Variants in ZNF43 observed in about 807,000 individuals in gnomAD.
ZNF43 encodes zinc finger protein 43.
ZNF43 carries 44 observed loss-of-function variants against 68.4 expected under a neutral mutation model. The observed-to-expected ratio is 0.64, with a 90% CI of 0.51 to 0.83. ZNF43 has a LOEUF of 0.83. ZNF43 is among the 40% of genes least tolerant of loss of function. The pLI is 0.00. For synonymous variants in ZNF43, 308 were observed against 307.8 expected (o/e 1.00, Z -0.01); for missense variants, 896 against 933.2 (o/e 0.96, Z 0.52).
intron 1 of ZNF43, among the ~76,000 whole-genome samples, chr19:21,824,732 T>TAAAAAA (rs34739856): frequency 8.4e-5 from 9 of 107,232 alleles, no homozygotes; most frequent in Non-Finnish European, 1.4e-4. Context: ...TATGTTTACC[T>TAAAAAA]AAAAAAAAAA....
rs2036912163 is a variant in ZNF43 at position 21,805,800 on chromosome 19, T to C, written c.*1807A>G. The C allele has an allele frequency of 6.6e-6, 1 of 152,206 alleles. No individual in the cohort carries two copies. The highest frequency in any genetic ancestry group is 2.4e-5 in the African/African-American group (1 of 41,516). The allele number at this position is 152,206 out of a possible 1,614,324, so 9.4% of individuals were successfully genotyped here. A position where few individuals can be genotyped will look rare whatever the true frequency, so the allele number is the denominator to read the frequency against. On this transcript the variant is annotated 3_prime_UTR_variant, in exon 4 of 4. Transcript: ENST00000354959. ...TTGCAGTTGAAAGCCACTGGTGAAA[T>C]AGATTAATAGAAATGTTAGTCCATT...
upstream of ZNF43, chr19:21,836,257 C>T: frequency 1.5e-6 from 2 of 1,378,438 alleles, no homozygotes; most frequent in African/African-American, 1.5e-5. Flanking sequence ...TCCAGCCCAG[C>T]GTCCCTGATT....
At chr19:21,843,328 T>C in intron 1 of ZNF43, 1 of 983,134 alleles carries the variant, frequency 1.0e-6, no homozygotes, top group Non-Finnish European at 1.2e-6. Context: ...CAATCACACC[T>C]GCAGAAAGAC....
At chr19:21,838,422 T>C (rs1568385035), upstream of ZNF43, among the ~76,000 whole-genome samples, 1 of 149,888 alleles carries the variant, frequency 6.7e-6, no homozygotes, top group African/African-American at 2.5e-5. Flanking sequence ...TTTTTGGAGA[T>C]ACAGTCTCGC....
chr19:21,844,464 A>C (rs779558727), intron 1 of ZNF43, among the ~76,000 whole-genome samples: 2 of 151,270 alleles, frequency 1.3e-5, no homozygotes, highest in Non-Finnish European at 2.9e-5. Context: ...GAGAGTGGTA[A>C]TTCTCCATGA....
At chr19:21,830,063 C>CAA (rs940716105) in intron 1 of ZNF43, among the ~76,000 whole-genome samples, 23 of 151,858 alleles carry the variant, frequency 1.5e-4, no homozygotes, top group African/African-American at 5.1e-4. Flanking sequence ...ACCAGCCTGG[C>CAA]AAAATAGTGA....
intron 3 of ZNF43, among the ~76,000 whole-genome samples, chr19:21,810,339 G>A (rs991463818): frequency 1.3e-5 from 2 of 152,170 alleles, no homozygotes; most frequent in Admixed American, 6.6e-5. Flanking sequence ...TGAGGTGAAG[G>A]AGCCAGGTTC....
At chr19:21,816,178 G>A (rs758355043) in intron 3 of ZNF43, among the ~76,000 whole-genome samples, 4 of 152,106 alleles carry the variant, frequency 2.6e-5, no homozygotes, top group Non-Finnish European at 5.9e-5. Flanking sequence ...GAGCAAGAAC[G>A]TTTCTCAGCC....
chr19:21,830,947 C>T (rs2038396655), intron 1 of ZNF43, among the ~76,000 whole-genome samples: 1 of 152,136 alleles, frequency 6.6e-6, no homozygotes, highest in Non-Finnish European at 1.5e-5. Context: ...GTTATTTCAA[C>T]ATACACAAAT....
At chr19:21,819,603 T>G (rs1313875020) in intron 1 of ZNF43, among the ~76,000 whole-genome samples, 1 of 152,134 alleles carries the variant, frequency 6.6e-6, no homozygotes, top group Non-Finnish European at 1.5e-5. Context: ...AATATTAAGG[T>G]GTACAATAAA....
At chr19:21,836,672 C>A (rs2038755914), upstream of ZNF43, among the ~76,000 whole-genome samples, 1 of 152,224 alleles carries the variant, frequency 6.6e-6, no homozygotes, top group Admixed American at 6.5e-5. Context: ...GCAGCCTCAG[C>A]AATCTAGGCT....
chr19:21,840,512 T>G (rs1178391210), upstream of ZNF43: 1 of 152,186 alleles, frequency 6.6e-6, no homozygotes, highest in African/African-American at 2.4e-5. Flanking sequence ...CTGTGTCCCC[T>G]TAGTGGAGTC....
In ZNF43 at chr19:21,819,239, T is replaced by A. The variant is rs771003592; in HGVS notation, c.4-18A>T. ...AATGGTCCCTAAAAAAAACAACACA[T>A]ACACACACAAACACACACATTTACC... is the stretch of plus-strand genomic sequence containing the variant. On this transcript the variant is annotated intron_variant, in intron 1 of 3. Transcript: ENST00000354959. The A allele has an allele frequency of 1.7e-5, 27 of 1,575,182 alleles. No individual in the cohort carries two copies. The highest frequency in any genetic ancestry group is 2.3e-5 in the Non-Finnish European group (27 of 1,166,166).
At chr19:21,829,032 CAAAAAA>C (rs551226809) in intron 1 of ZNF43, among the ~76,000 whole-genome samples, 76 of 38,790 alleles carry the variant, frequency 2.0e-3, no homozygotes, top group East Asian at 0.01. Flanking sequence ...GACTCTGTCT[CAAAAAA>C]AAAAAAAAAA....
exon 1 of ZNF43, chr19:21,852,010 G>A: frequency 6.8e-7 from 1 of 1,479,096 alleles, no homozygotes; most frequent in Non-Finnish European, 9.1e-7. Flanking sequence ...GGATTCCCGA[G>A]TTGGAGAACG....
intron 1 of ZNF43, among the ~76,000 whole-genome samples, chr19:21,821,515 T>G (rs540327481): frequency 2.0e-5 from 3 of 152,164 alleles, no homozygotes; most frequent in Non-Finnish European, 4.4e-5. Context: ...CTATTCTGCA[T>G]AGAGCTAATA....
chr19:21,812,141 T>A (rs1220025647), intron 3 of ZNF43: 1 of 383,656 alleles, frequency 2.6e-6, no homozygotes, highest in Non-Finnish European at 4.6e-6. Flanking sequence ...TTTTCTTTTT[T>A]TTTGAGACGG....
chr19:21,816,170 G>A (rs2037518722), intron 3 of ZNF43, among the ~76,000 whole-genome samples: 1 of 152,074 alleles, frequency 6.6e-6, no homozygotes, highest in Non-Finnish European at 1.5e-5. Context: ...TCCCCACAGA[G>A]CAAGAACGTT....
rs1368861787 is a variant in ZNF43 at position 21,845,063 on chromosome 19, GTC to G, written c.30+6840_30+6841del. ...TTGAGTGCAAGGACGAGACAGGAGA[GTC>G]ACATCACCTAGGTGCTTGGGCAGGG... On this transcript the variant is annotated intron_variant, in intron 1 of 3. Transcript: ENST00000357491. Among the ~76,000 whole-genome samples, 4 of 151,534 alleles carry G rather than the reference GTC, an allele frequency of 2.6e-5. No homozygotes were observed. In the South Asian group the frequency reaches 8.3e-4, roughly 32 times the overall value.
Sources: allele counts gnomAD v4.1 joint callset (sites outside exome capture counted in the v4.1 genomes callset), GRCh38; gene constraint gnomAD v4.1.1; transcripts MANE v1.5; gene names NCBI Gene and HGNC (gene_info 2026-07-23, HGNC 2026-07-21).